CHUK: variants seen among roughly 807,000 people sequenced by gnomAD.
CHUK encodes inhibitor of nuclear factor kappa-B kinase subunit alpha.
Under a neutral mutation model 104.8 loss-of-function variants are expected in CHUK, and 35 were observed. The ratio of observed to expected loss-of-function variants is 0.33; its 90% CI spans 0.26 to 0.44. The LOEUF (loss-of-function observed/expected upper bound fraction) is 0.44, where lower values mean the gene tolerates loss of function less well. Among genes scored for constraint, CHUK ranks in the 20% least tolerant of loss-of-function variants. The pLI, the probability that CHUK is intolerant of heterozygous loss-of-function variation, is 1.00. For synonymous variants in CHUK, 276 were observed against 291.9 expected, an observed-to-expected ratio of 0.95 and a Z score of 0.56; for missense variants, 663 against 902.7, an observed-to-expected ratio of 0.73 and a Z score of 3.40.
intron 9 of CHUK, among the ~76,000 whole-genome samples, chr10:100,210,000 A>C (rs1231330367): frequency 4.6e-5 from 7 of 152,096 alleles, no homozygotes; most frequent in Admixed American, 4.6e-4. Context: ...TGTTAGTTCC[A>C]ACAATAAAAT....
At chr10:100,228,854 GT>G (rs1020369711) in intron 1 of CHUK, among the ~76,000 whole-genome samples, 8 of 151,864 alleles carry the variant, frequency 5.3e-5, no homozygotes, top group Admixed American at 6.6e-5. Context: ...CCCTCATACT[GT>G]CCCGACCTGG....
At chr10:100,224,669 T>A (rs1051246407) in intron 2 of CHUK, among the ~76,000 whole-genome samples, 2 of 151,978 alleles carry the variant, frequency 1.3e-5, no homozygotes, top group Admixed American at 6.6e-5. Flanking sequence ...ACTCCTGACC[T>A]CAGGTAATCC....
chr10:100,210,085 TTA>T (rs869072435), intron 9 of CHUK, among the ~76,000 whole-genome samples: 7 of 128,668 alleles, frequency 5.4e-5, no homozygotes, highest in African/African-American at 2.4e-4. Context: ...ATTTATTTAT[TTA>T]TTTATTTTTT....
At chr10:100,187,243 G>A (rs927500108), downstream of CHUK, 1 of 152,254 alleles carries the variant, frequency 6.6e-6, no homozygotes, top group South Asian at 2.1e-4. Context: ...GAGACAGACT[G>A]TTGGCAAGGA....
intron 8 of CHUK, among the ~76,000 whole-genome samples, chr10:100,218,396 T>C (rs1845910623): frequency 6.6e-6 from 1 of 152,220 alleles, no homozygotes; most frequent in Admixed American, 6.5e-5. Flanking sequence ...TTTACTTCAT[T>C]ATCCTAAGAG....
At chr10:100,222,065 G>T (rs1846001216) in intron 4 of CHUK, 47 bp downstream of exon 4, 7 of 971,420 alleles carry the variant, frequency 7.2e-6, no homozygotes, top group Non-Finnish European at 1.0e-5. Context: ...TCTTTTATGG[G>T]CCAAAGGGAC....
intron 9 of CHUK, among the ~76,000 whole-genome samples, chr10:100,217,216 C>A (rs1287094187): frequency 6.9e-6 from 1 of 144,372 alleles, no homozygotes; most frequent in Non-Finnish European, 1.5e-5. Context: ...AAAGCCCCCC[C>A]AAAAAACCAA....
chr10:100,226,027 T>C lies in CHUK; in HGVS notation c.106-10A>G, dbSNP rs201130944. On this transcript the variant is annotated splice_polypyrimidine_tract_variant and intron_variant, in intron 1 of 20. Transcript: ENST00000370397. ...TTTTGAGATCAAGTTCCTGCCAAAA[T>C]AGAAAATCAACAGAAAAAAAAAATT... 1.3e-6 allele frequency: 2 copies of C among 1,536,072 alleles called. No individual in the cohort carries two copies. The highest frequency in any genetic ancestry group is 1.4e-5 in the African/African-American group (1 of 73,402).
Position 100,193,493 on chromosome 10 carries a change from T to C in CHUK, c.1975-62A>G, listed in dbSNP as rs1845252574. 4 of 1,583,738 alleles carry C rather than the reference T, an allele frequency of 2.5e-6. No homozygotes were observed. The South Asian group carries it at 4.4e-5, about 18-fold the overall frequency. On this transcript the variant is annotated intron_variant, in intron 18 of 20. Transcript: ENST00000370397. ...CAAGCATCTCTGTTGATTCACACAA[T>C]TTCTTATCATATTCCTAAGACTTAC...
chr10:100,210,382 C>T (rs1028543110), intron 9 of CHUK, among the ~76,000 whole-genome samples: 4 of 152,224 alleles, frequency 2.6e-5, no homozygotes, highest in Middle Eastern at 3.4e-3. Context: ...CCACCGCGCC[C>T]GGCCTAAGTT....
Position 100,218,752 on chromosome 10 carries a change from T to C in CHUK, c.763A>G (p.Ser255Gly). The C allele has an allele frequency of 6.2e-7, 1 of 1,613,856 alleles. No individual in the cohort carries two copies. The change falls in exon 8 of 21, where the codon AGT becomes GGT. Residue 255 changes from serine to glycine, a missense_variant. Around this residue, in one of 5 missense-constraint regions of CHUK, gnomAD observed 200 missense variants for 333.0 expected, o/e 0.60. Coordinates refer to ENST00000370397, the MANE Select transcript of CHUK (RefSeq NM_001278.5). Reference protein sequence around the residue: ...CEEMSGEVRFSSHLPQPNSLC... With the variant: ...CEEMSGEVRFGSHLPQPNSLC... ...CTATTTGGTTGAGGTAAATGGCTAC[T>C]AAACCGAACTTCTCCTGACATCTCT...
intron 4 of CHUK, 62 bp from the exon 5 acceptor site, chr10:100,220,738 A>T: frequency 9.3e-7 from 1 of 1,071,864 alleles, no homozygotes; most frequent in East Asian, 2.4e-5. Context: ...AGAAAAATTC[A>T]CCTCACATTT....
chr10:100,226,646 C>A (rs531247514), intron 1 of CHUK, among the ~76,000 whole-genome samples: 61 of 152,322 alleles, frequency 4.0e-4, no homozygotes, highest in Non-Finnish European at 7.5e-4. Context: ...AATAGCCAGA[C>A]CCCATCATAT....
At chr10:100,202,004 C>T in intron 14 of CHUK, 84 bp downstream of exon 14, 1 of 1,010,602 alleles carries the variant, frequency 9.9e-7, no homozygotes, top group Admixed American at 1.7e-5. Flanking sequence ...ATGAAAAATG[C>T]TCTTTATATA....
At chr10:100,219,502 T>A (rs1845937933) in intron 5 of CHUK, 143 bp from the exon 6 acceptor site, 5 of 636,128 alleles carry the variant, frequency 7.9e-6, no homozygotes, top group Non-Finnish European at 1.4e-5. Flanking sequence ...CAAGTCTGAG[T>A]GCCACCACTT....
At chr10:100,209,457 G>T (rs1845670180) in intron 10 of CHUK, 138 bp downstream of exon 10, 1 of 669,632 alleles carries the variant, frequency 1.5e-6, no homozygotes, top group East Asian at 2.7e-5. Flanking sequence ...GCAAAGCAAT[G>T]ATAAGAGTTG....
Position 100,219,030 on chromosome 10 carries a change from G to C in CHUK, c.667C>G (p.His223Asp). 6.2e-7 allele frequency: 1 copy of C among 1,613,938 alleles called. No individual in the cohort carries two copies. Among genetic ancestry groups the C allele is most frequent in the Non-Finnish European group, 8.5e-7 (1 of 1,179,880 alleles). ...ECIAGYRPFL[H>D]HLQPFTWHEK... ...TACCAGGTAAATGGCTGCAGATGAT[G>C]CAAAAAAGGCCTATATCCAGCAATA... The change falls in exon 7 of 21, where the codon CAT becomes GAT. Residue 223 changes from histidine to aspartate, a missense_variant. Physicochemically the swap from His to Asp is moderately conservative, Grantham distance 81. This residue lies in a region of CHUK where 200 missense variants were observed against 333.0 expected (regional missense o/e 0.60). Transcript: ENST00000370397.
intron 9 of CHUK, among the ~76,000 whole-genome samples, chr10:100,215,998 A>C (rs1845846880): frequency 6.6e-6 from 1 of 152,198 alleles, no homozygotes; most frequent in Non-Finnish European, 1.5e-5. Flanking sequence ...ATAACCTCAT[A>C]ATAATATTGA....
chr10:100,198,493 T>C (rs1362577060), intron 16 of CHUK, among the ~76,000 whole-genome samples: 1 of 152,230 alleles, frequency 6.6e-6, no homozygotes, highest in Admixed American at 6.5e-5. Context: ...CGCTAGTGCC[T>C]TGATTCATAC....
Sources: gnomAD v4.1 joint callset for allele counts (sites outside exome capture counted in the v4.1 genomes callset) on GRCh38, gnomAD v4.1.1 for gene constraint, gnomAD v4.1.1 regional missense constraint, MANE v1.5 for transcripts, NCBI Gene and HGNC (gene_info 2026-07-23, HGNC 2026-07-21) for gene names.